The following EPHA5 variants were observed in gnomAD, a reference collection of about 807,000 sequenced individuals.
EPHA5 encodes EPH receptor A5, also known as ephrin type-A receptor 5.
Under a neutral mutation model 105.0 loss-of-function variants are expected in EPHA5, and 60 were observed. That is an observed-to-expected ratio of 0.57 (90% CI 0.46 to 0.71). The LOEUF is 0.71. Ranked by LOEUF, EPHA5 falls within the 30% of genes least tolerant of loss-of-function variation. EPHA5 has a pLI of 0.00. For synonymous variants in EPHA5, 513 were observed against 449.1 expected (o/e 1.14, Z -1.80); for missense variants, 1,218 against 1,274.7 (o/e 0.96, Z 0.68).
At chr4:65,488,400 C>G (rs536183758) in intron 5 of EPHA5, among the ~76,000 whole-genome samples, 7 of 151,836 alleles carry the variant, frequency 4.6e-5, no homozygotes, top group Non-Finnish European at 8.8e-5. Flanking sequence ...AAGATTCATA[C>G]GTAGAATCAA....
chr4:65,431,691 C>A (rs1724993947), intron 5 of EPHA5, among the ~76,000 whole-genome samples: 1 of 152,048 alleles, frequency 6.6e-6, no homozygotes. Context: ...GTGTCCTGGC[C>A]AGTGACCATA....
chr4:65,385,672 T>C (rs1166793381), intron 8 of EPHA5, among the ~76,000 whole-genome samples: 1 of 151,884 alleles, frequency 6.6e-6, no homozygotes, highest in Non-Finnish European at 1.5e-5. Context: ...ATACATTGTA[T>C]ACATAACAGT....
rs533271341 is a variant in EPHA5 at position 65,424,010 on chromosome 4, A to G, written c.1403-3445T>C. Among the ~76,000 whole-genome samples the G allele has an allele frequency of 1.5e-3, 230 of 152,134 alleles. 1 individual carries two copies. The highest frequency in any genetic ancestry group is 5.3e-3 in the African/African-American group (222 of 41,556). Reference sequence around the variant, plus strand: ...TGATGTTGCGAACTCTAATTATTACATAAATAATTCTAGCTTTCACACCTT... The same window carrying G: ...TGATGTTGCGAACTCTAATTATTACGTAAATAATTCTAGCTTTCACACCTT... On this transcript the variant is annotated intron_variant, in intron 5 of 16. Coordinates refer to ENST00000613740, the MANE Select transcript of EPHA5 (RefSeq NM_001281766.3).
chr4:65,613,897 T>C (rs1275832088), intron 2 of EPHA5, among the ~76,000 whole-genome samples: 2 of 151,998 alleles, frequency 1.3e-5, no homozygotes, highest in African/African-American at 4.8e-5. Flanking sequence ...CAATAGGGAT[T>C]GACTATCTGA....
chr4:65,490,878 T>C (rs1731339286), intron 4 of EPHA5, among the ~76,000 whole-genome samples, 166 bp from the exon 5 acceptor site: 1 of 152,186 alleles, frequency 6.6e-6, no homozygotes, highest in African/African-American at 2.4e-5. Context: ...AATAGTGGGG[T>C]TTATTCCCTA....
chr4:65,348,351 C>A, intron 13 of EPHA5, 148 bp from the exon 14 acceptor site: 2 of 702,706 alleles, frequency 2.8e-6, no homozygotes, highest in Non-Finnish European at 2.3e-6. Context: ...AATCTCTCAG[C>A]CCATAAGCAG....
At chr4:65,660,176 T>TA (rs1749437629) in intron 1 of EPHA5, among the ~76,000 whole-genome samples, 2 of 152,196 alleles carry the variant, frequency 1.3e-5, no homozygotes, top group Admixed American at 6.6e-5. Flanking sequence ...GCAAAATTTT[T>TA]TAAAAAAATT....
intron 5 of EPHA5, among the ~76,000 whole-genome samples, chr4:65,474,280 G>A (rs371229471): frequency 1.1e-4 from 16 of 151,972 alleles, no homozygotes; most frequent in East Asian, 7.7e-4. Flanking sequence ...ATCTTCAAAC[G>A]TCATTTACTA....
At chr4:65,661,925 C>A (rs187817934) in intron 1 of EPHA5, among the ~76,000 whole-genome samples, 1 of 152,276 alleles carries the variant, frequency 6.6e-6, no homozygotes, top group East Asian at 1.9e-4. Flanking sequence ...AAATATATAA[C>A]TGGGTTTGAC....
chr4:65,420,501 C>T lies in EPHA5; in HGVS notation c.1467G>A (p.Trp489Ter), dbSNP rs2149036950. The T allele has an allele frequency of 6.2e-7, 1 of 1,612,966 alleles. No homozygotes were observed. Among genetic ancestry groups the T allele is most frequent in the Non-Finnish European group, 8.5e-7 (1 of 1,179,424 alleles). ...KIAKNSISLS[W>*]QEPDRPNGII... Reference sequence around the variant, plus strand: ...TTCCATTGGGACGATCTGGTTCTTGCCAAGACAAAGAGATGCTGTTTTTTG... The same window carrying T: ...TTCCATTGGGACGATCTGGTTCTTGTCAAGACAAAGAGATGCTGTTTTTTG... Residue 489 changes from tryptophan to a stop codon, truncating the protein, a stop_gained, in exon 6 of 17, where the codon TGG becomes TGA. Transcript: ENST00000613740. LOFTEE classifies it high-confidence loss of function.
intron 5 of EPHA5, among the ~76,000 whole-genome samples, chr4:65,472,015 A>G (rs1163911675): frequency 1.3e-5 from 2 of 152,184 alleles, no homozygotes; most frequent in Non-Finnish European, 2.9e-5. Context: ...CTCATCTGAG[A>G]CAAGACAAGT....
Position 65,540,997 on chromosome 4 carries a change from A to G in EPHA5, c.911-45454T>C, listed in dbSNP as rs560586246. ...ATGATCTGAACCTCTGACAATGATG[A>G]AAATACAACCATAATATCTCTCTCT... On this transcript the variant is annotated intron_variant, in intron 3 of 16. Transcript: ENST00000613740. Among the ~76,000 whole-genome samples, 331 of 151,534 alleles carry G rather than the reference A, an allele frequency of 2.2e-3. 1 individual carries two copies. The highest frequency in any genetic ancestry group is 3.6e-3 in the Non-Finnish European group (246 of 67,580).
At chr4:65,535,132 G>T (rs1736171663) in intron 3 of EPHA5, among the ~76,000 whole-genome samples, 1 of 152,156 alleles carries the variant, frequency 6.6e-6, no homozygotes, top group Admixed American at 6.5e-5. Context: ...TTCCACATGT[G>T]AACTAAAATC....
intron 2 of EPHA5, among the ~76,000 whole-genome samples, chr4:65,634,864 G>A (rs1384089470): frequency 2.6e-5 from 4 of 151,842 alleles, no homozygotes; most frequent in African/African-American, 9.7e-5. Context: ...CCAAAATAAG[G>A]TTCTGGCAAA....
intron 2 of EPHA5, among the ~76,000 whole-genome samples, chr4:65,638,089 C>T (rs1023842201): frequency 6.6e-6 from 1 of 152,044 alleles, no homozygotes; most frequent in Non-Finnish European, 1.5e-5. Flanking sequence ...ATAAACATAT[C>T]CATTCTTAAG....
intron 11 of EPHA5, among the ~76,000 whole-genome samples, chr4:65,360,678 A>C (rs1051073364): frequency 6.6e-6 from 1 of 151,616 alleles, no homozygotes; most frequent in South Asian, 2.1e-4. Context: ...TCTGATTTTC[A>C]AACTTTCCTA....
At chr4:65,452,444 G>T (rs1020322231) in intron 5 of EPHA5, among the ~76,000 whole-genome samples, 2 of 151,954 alleles carry the variant, frequency 1.3e-5, no homozygotes, top group South Asian at 2.1e-4. Context: ...AACTTATTTT[G>T]TAGTGTTCTT....
At chr4:65,489,058 T>A (rs1731158536) in intron 5 of EPHA5, among the ~76,000 whole-genome samples, 1 of 151,560 alleles carries the variant, frequency 6.6e-6, no homozygotes, top group South Asian at 2.1e-4. Context: ...GCTAATTTTT[T>A]TTATTATTAT....
intron 8 of EPHA5, among the ~76,000 whole-genome samples, chr4:65,397,744 A>G (rs1008853069): frequency 6.6e-6 from 1 of 152,162 alleles, no homozygotes; most frequent in Non-Finnish European, 1.5e-5. Context: ...CGGGAGCCTC[A>G]GATGATGGCT....
Sources: allele counts gnomAD v4.1 joint callset (sites outside exome capture counted in the v4.1 genomes callset), GRCh38; gene constraint gnomAD v4.1.1; transcripts MANE v1.5; gene names NCBI Gene and HGNC (gene_info 2026-07-23, HGNC 2026-07-21).